Variants in MAGI3 observed in about 807,000 individuals in gnomAD.
MAGI3 encodes the protein membrane-associated guanylate kinase, WW and PDZ domain-containing protein 3.
MAGI3 carries 43 observed loss-of-function variants against 121.8 expected under a neutral mutation model. The ratio of observed to expected loss-of-function variants is 0.35; its 90% CI spans 0.28 to 0.46. MAGI3 has a LOEUF of 0.46. MAGI3 is among the 20% of genes least tolerant of loss of function. The probability of loss-of-function intolerance (pLI) is 1.00; values close to 1 mark genes in which losing one functional copy is unlikely to be tolerated. For missense variants in MAGI3, 1,547 were observed against 1,797.3 expected (o/e 0.86, Z 2.52); for synonymous variants, 553 against 639.3 (o/e 0.86, Z 2.04).
chr1:113,557,524 G>A (rs547363946), intron 2 of MAGI3, among the ~76,000 whole-genome samples: 1 of 152,150 alleles, frequency 6.6e-6, no homozygotes, highest in South Asian at 2.1e-4. Context: ...TCACAGCCAG[G>A]GCCTCCAGCC....
At chr1:113,521,404 T>G (rs1658187918) in intron 1 of MAGI3, among the ~76,000 whole-genome samples, 1 of 130,454 alleles carries the variant, frequency 7.7e-6, no homozygotes, top group South Asian at 2.5e-4. Flanking sequence ...CTGTTTTTTT[T>G]TGTTTTTTGT....
Position 113,390,836 on chromosome 1 carries a change from GAGGGGCGTCCA to G in MAGI3, c.-188_-178del. The G allele has an allele frequency of 3.7e-6, 1 of 268,204 alleles. No homozygotes were observed. Among genetic ancestry groups the G allele is most frequent in the Non-Finnish European group, 6.9e-6 (1 of 144,564 alleles). The allele number at this position is 268,204 out of a possible 1,614,324, so 16.6% of individuals were successfully genotyped here. A position where few individuals can be genotyped will look rare whatever the true frequency, so the allele number is the denominator to read the frequency against. On this transcript the variant is annotated 5_prime_UTR_variant, in exon 1 of 21. Coordinates refer to ENST00000307546, the MANE Select transcript of MAGI3 (RefSeq NM_001142782.2). ...GGTCAGCCCCGGGGAGCGCAGCCGG[GAGGGGCGTCCA>G]AGGGGCGTCTCGCGTCTGGGAACGG...
chr1:113,585,845 T>C (rs530002585), intron 4 of MAGI3, among the ~76,000 whole-genome samples: 86 of 152,320 alleles, frequency 5.6e-4, no homozygotes, highest in African/African-American at 1.9e-3. Flanking sequence ...GCCATTACCC[T>C]GCTGTTTAAA....
intron 1 of MAGI3, among the ~76,000 whole-genome samples, chr1:113,435,036 T>G (rs1213139574): frequency 6.6e-6 from 1 of 152,234 alleles, no homozygotes; most frequent in Non-Finnish European, 1.5e-5. Flanking sequence ...ATGTATGTTT[T>G]ACATACCAAG....
In MAGI3 at chr1:113,683,094, G is replaced by A; in HGVS notation, c.3526G>A (p.Glu1176Lys). Residue 1176 changes from glutamate (E) to lysine (K), a missense_variant, in exon 21 of 21, where the codon GAA becomes AAA. Coordinates refer to ENST00000307546, the MANE Select transcript of MAGI3 (RefSeq NM_001142782.2). Reference protein sequence around the residue: ...IVPEKKSTLNENQPEIKHQSL... With the variant: ...IVPEKKSTLNKNQPEIKHQSL... ...GCCTGAAAAGAAAAGCACTTTAAAT[G>A]AAAATCAGCCTGAGATAAAGCATCA... 6.2e-7 allele frequency: 1 copy of A among 1,613,250 alleles called. No individual in the cohort carries two copies. The highest frequency in any genetic ancestry group is 1.1e-5 in the South Asian group (1 of 90,866).
intron 1 of MAGI3, among the ~76,000 whole-genome samples, chr1:113,508,332 CTCTCTTT>C (rs1294857452): frequency 1.2e-4 from 19 of 152,206 alleles, no homozygotes; most frequent in Admixed American, 1.1e-3. Flanking sequence ...GGGTAGGCAC[CTCTCTTT>C]TCAAGTTTCC....
chr1:113,507,033 T>C (rs1222531235), intron 1 of MAGI3, among the ~76,000 whole-genome samples: 1 of 152,148 alleles, frequency 6.6e-6, no homozygotes. Flanking sequence ...AACCTCCTGA[T>C]GGGTGAGAGT....
chr1:113,575,063 T>C (rs1647537894), intron 2 of MAGI3, among the ~76,000 whole-genome samples: 1 of 152,182 alleles, frequency 6.6e-6, no homozygotes, highest in Non-Finnish European at 1.5e-5. Flanking sequence ...TTCTCTAAAC[T>C]GGTTATTCTA....
At chr1:113,591,669 A>G (rs1026841525) in intron 5 of MAGI3, among the ~76,000 whole-genome samples, 12 of 152,182 alleles carry the variant, frequency 7.9e-5, no homozygotes, top group Non-Finnish European at 1.5e-4. Context: ...AATTATACAA[A>G]GCAGGTACAA....
At chr1:113,465,795 CTTTG>C (rs1655254327) in intron 1 of MAGI3, among the ~76,000 whole-genome samples, 1 of 151,870 alleles carries the variant, frequency 6.6e-6, no homozygotes, top group African/African-American at 2.4e-5. Flanking sequence ...TTCTTTTTCA[CTTTG>C]TTTGCTGTTG....
intron 1 of MAGI3, among the ~76,000 whole-genome samples, chr1:113,497,070 C>T (rs554339619): frequency 6.6e-6 from 1 of 152,280 alleles, no homozygotes; most frequent in African/African-American, 2.4e-5. Context: ...CCAACCTGGG[C>T]AACGTGGGGA....
intron 6 of MAGI3, among the ~76,000 whole-genome samples, chr1:113,611,276 A>G (rs1394608683): frequency 6.6e-6 from 1 of 151,744 alleles, no homozygotes; most frequent in Non-Finnish European, 1.5e-5. Context: ...TAGTAGAGAT[A>G]GGGGTTTCAC....
intron 12 of MAGI3, among the ~76,000 whole-genome samples, chr1:113,646,882 T>C (rs999227893): frequency 6.6e-6 from 1 of 152,138 alleles, no homozygotes; most frequent in African/African-American, 2.4e-5. Context: ...AATACAGAGA[T>C]AAATAGGTTA....
intron 9 of MAGI3, among the ~76,000 whole-genome samples, chr1:113,640,959 A>AAT (rs1300648112): frequency 1.2e-4 from 16 of 137,650 alleles, no homozygotes; most frequent in African/African-American, 4.3e-4. Context: ...TATAATATTA[A>AAT]ATATATATAT....
chr1:113,415,034 A>G (rs777969580), intron 1 of MAGI3, among the ~76,000 whole-genome samples: 13 of 152,098 alleles, frequency 8.5e-5, no homozygotes, highest in Non-Finnish European at 1.8e-4. Flanking sequence ...CAGTATTTGT[A>G]TAAATGTGTT....
chr1:113,497,133 T>G (rs1348670722), intron 1 of MAGI3, among the ~76,000 whole-genome samples: 1 of 152,182 alleles, frequency 6.6e-6, no homozygotes, highest in Non-Finnish European at 1.5e-5. Context: ...GGCGCATGCC[T>G]GTAAGTCCCA....
chr1:113,643,689 G>T, intron 10 of MAGI3, 54 bp from the exon 11 acceptor site: 3 of 1,552,966 alleles, frequency 1.9e-6, no homozygotes, highest in Non-Finnish European at 2.7e-6. Context: ...AGCAGTATTT[G>T]TGATCTGGGA....
In MAGI3 at chr1:113,641,112, A is replaced by G. The variant is rs1318735604; in HGVS notation, c.1361-799A>G. 3.3e-5 allele frequency among the ~76,000 whole-genome samples: 3 copies of G among 90,074 alleles called. No homozygotes were observed. The East Asian group carries it at 8.4e-4, about 25-fold the overall frequency. The allele number at this position is 90,074 out of a possible 152,430, so 59.1% of individuals were successfully genotyped here. ...TATATTATATATATGATATATAAAT[A>G]TATATGAGATATATATTATATATAT... On this transcript the variant is annotated intron_variant, in intron 9 of 20. Transcript: ENST00000307546.
intron 6 of MAGI3, among the ~76,000 whole-genome samples, chr1:113,610,710 G>A (rs1022713169): frequency 1.3e-5 from 2 of 151,952 alleles, no homozygotes; most frequent in African/African-American, 4.8e-5. Context: ...CTGCCATTCG[G>A]GTGGATCACG....
Sources: allele counts gnomAD v4.1 joint callset (sites outside exome capture counted in the v4.1 genomes callset), GRCh38; gene constraint gnomAD v4.1.1; transcripts MANE v1.5; gene names NCBI Gene and HGNC (gene_info 2026-07-23, HGNC 2026-07-21).